Variants in ACSBG2 observed in about 807,000 individuals in gnomAD.
The protein encoded by ACSBG2 is acyl-CoA synthetase bubblegum family member 2, also known as long-chain-fatty-acid--CoA ligase ACSBG2.
Under a neutral mutation model 74.7 loss-of-function variants are expected in ACSBG2, and 62 were observed. The observed-to-expected ratio is 0.83, with a 90% confidence interval of 0.68 to 1.03. The LOEUF (loss-of-function observed/expected upper bound fraction) is 1.03. Ranked by LOEUF, ACSBG2 falls within the 50% of genes least tolerant of loss-of-function variation. ACSBG2 has a pLI of 0.00. For missense variants in ACSBG2, 730 were observed against 817.6 expected (o/e 0.89, Z 1.31); for synonymous variants, 309 against 294.1 (o/e 1.05, Z -0.52).
intron 1 of ACSBG2, among the ~76,000 whole-genome samples, chr19:6,136,194 C>CCAT (rs760651860): frequency 2.8e-4 from 42 of 151,628 alleles, no homozygotes; most frequent in Non-Finnish European, 5.1e-4. Context: ...CAGGTTCACA[C>CCAT]CATTCTCCTG....
intron 7 of ACSBG2, among the ~76,000 whole-genome samples, chr19:6,167,971 A>T (rs1402396148): frequency 4.8e-5 from 1 of 21,016 alleles, no homozygotes; most frequent in African/African-American, 2.0e-4. Flanking sequence ...CCCAACTCCC[A>T]CCCTCACCCC....
intron 5 of ACSBG2, among the ~76,000 whole-genome samples, chr19:6,159,779 G>A (rs1003834394): frequency 2.6e-5 from 4 of 152,186 alleles, no homozygotes. Flanking sequence ...CCGCTGATCT[G>A]GGCCTCACCA....
intron 10 of ACSBG2, among the ~76,000 whole-genome samples, chr19:6,184,872 A>AAAAAC: frequency 8.6e-6 from 1 of 116,918 alleles, no homozygotes. Context: ...AAAAAAAAAA[A>AAAAAC]CGAAAAACAG....
chr19:6,158,808 G>A (rs1046188418), intron 5 of ACSBG2, among the ~76,000 whole-genome samples: 2 of 152,042 alleles, frequency 1.3e-5, no homozygotes, highest in African/African-American at 4.8e-5. Context: ...TGAAATCCTA[G>A]CTAGACTCAG....
chr19:6,153,106 G>A (rs1301806938), intron 4 of ACSBG2, among the ~76,000 whole-genome samples: 7 of 152,058 alleles, frequency 4.6e-5, no homozygotes, highest in Admixed American at 3.3e-4. Context: ...TCAGCCAGGC[G>A]TGGTGGCAGG....
Position 6,154,428 on chromosome 19 carries a change from GAGAGAAA to G in ACSBG2, c.387-2001_387-1995del, listed in dbSNP as rs1291296539. On this transcript the variant is annotated intron_variant, in intron 4 of 14. Transcript: ENST00000588485. ...AGAGAGAGAGAGAGAGAGAGAGAGA[GAGAGAAA>G]ATTATTATTATATATATAAAATATA... 1.0e-3 allele frequency among the ~76,000 whole-genome samples: 92 copies of G among 90,570 alleles called. 1 individual carries two copies. The highest frequency in any genetic ancestry group is 4.5e-3 in the Admixed American group (31 of 6,836). The allele number at this position is 90,570 out of a possible 152,430, so 59.4% of individuals were successfully genotyped here. A position where few individuals can be genotyped will look rare whatever the true frequency, so the allele number is the denominator to read the frequency against.
rs1326724413 is a variant in ACSBG2 at position 6,180,332 on chromosome 19, G to C, written c.907-2419G>C. Reference sequence around the variant, plus strand: ...AAGCAGGCTAAATCTTAGGGCCTTTGCACGTGCTTCTAGAAGGTTCTTTCT... The same window carrying C: ...AAGCAGGCTAAATCTTAGGGCCTTTCCACGTGCTTCTAGAAGGTTCTTTCT... On this transcript the variant is annotated intron_variant, in intron 8 of 14. Coordinates refer to ENST00000588485, the MANE Select transcript of ACSBG2 (RefSeq NM_030924.5). The surrounding 1 kb of genome is among the most constrained non-coding windows in gnomAD (Gnocchi z 4.3). Among the ~76,000 whole-genome samples, 1 of 152,138 alleles carries C rather than the reference G, an allele frequency of 6.6e-6. No individual in the cohort carries two copies. The highest frequency in any genetic ancestry group is 1.5e-5 in the Non-Finnish European group (1 of 68,022).
intron 10 of ACSBG2, among the ~76,000 whole-genome samples, chr19:6,184,628 AAGAC>A (rs1467504151): frequency 5.3e-5 from 8 of 151,458 alleles, no homozygotes; most frequent in African/African-American, 1.9e-4. Context: ...AAAAAAAAAA[AAGAC>A]AAAGAACCCA....
At chr19:6,168,964 A>T (rs1420273708) in intron 7 of ACSBG2, among the ~76,000 whole-genome samples, 1 of 152,060 alleles carries the variant, frequency 6.6e-6, no homozygotes, top group Non-Finnish European at 1.5e-5. Context: ...TTTTTAGAAG[A>T]GGTGGGGCTT....
chr19:6,141,397 C>T (rs2088825832), intron 1 of ACSBG2, 116 bp from the exon 2 acceptor site: 2 of 639,392 alleles, frequency 3.1e-6, no homozygotes, highest in Non-Finnish European at 2.8e-6. Flanking sequence ...CCAGGACAGG[C>T]ATGACCAATG....
At chr19:6,170,194 T>C (rs2089926807) in intron 7 of ACSBG2, among the ~76,000 whole-genome samples, 1 of 152,172 alleles carries the variant, frequency 6.6e-6, no homozygotes, top group African/African-American at 2.4e-5. Flanking sequence ...ACTTTTCCCC[T>C]TCAGTATGAT....
intron 5 of ACSBG2, 142 bp from the exon 6 acceptor site, chr19:6,161,073 C>G: frequency 3.6e-6 from 2 of 559,880 alleles, no homozygotes; most frequent in East Asian, 6.6e-5. Context: ...GCACTCCAGC[C>G]TGGGCGACAG....
chr19:6,153,291 T>A (rs1037851080), intron 4 of ACSBG2, among the ~76,000 whole-genome samples: 1 of 152,054 alleles, frequency 6.6e-6, no homozygotes, highest in Non-Finnish European at 1.5e-5. Context: ...CAACCATTAA[T>A]ATACCAATTA....
At chr19:6,158,656 C>T (rs1431335114) in intron 5 of ACSBG2, among the ~76,000 whole-genome samples, 1 of 152,104 alleles carries the variant, frequency 6.6e-6, no homozygotes, top group Non-Finnish European at 1.5e-5. Context: ...TTTCATGACT[C>T]TGAGTCACTC....
At chr19:6,173,937 A>AT (rs56905660) in intron 7 of ACSBG2, among the ~76,000 whole-genome samples, 9,665 of 130,960 alleles carry the variant, frequency 0.074, 507 homozygotes, top group Admixed American at 0.13. Flanking sequence ...CTCTTGAACT[A>AT]TTTTTTTTTT....
chr19:6,147,709 C>T (rs1362981472), intron 3 of ACSBG2, 34 bp downstream of exon 3: 2 of 1,586,646 alleles, frequency 1.3e-6, no homozygotes, highest in Non-Finnish European at 1.7e-6. Context: ...CTTTGTTCAA[C>T]CATTCATTCT....
intron 2 of ACSBG2, among the ~76,000 whole-genome samples, chr19:6,144,245 GCCTCGGCCTC>G (rs1245959512): frequency 6.6e-6 from 1 of 152,184 alleles, no homozygotes; most frequent in African/African-American, 2.4e-5. Context: ...TGATCCACCT[GCCTCGGCCTC>G]CCAAAGTGCT....
chr19:6,189,375 C>G (rs2090495440), intron 13 of ACSBG2, among the ~76,000 whole-genome samples: 1 of 152,194 alleles, frequency 6.6e-6, no homozygotes, highest in African/African-American at 2.4e-5. Context: ...CTGGATTCTA[C>G]TAATGTACTT....
chr19:6,137,626 TTATTTATG>T (rs1294040392), intron 1 of ACSBG2, among the ~76,000 whole-genome samples: 5 of 152,106 alleles, frequency 3.3e-5, no homozygotes, highest in Admixed American at 6.6e-5. Context: ...TTTTATTTAT[TTATTTATG>T]TATTTATGTA....
Sources: allele counts gnomAD v4.1 joint callset (sites outside exome capture counted in the v4.1 genomes callset), GRCh38; gene constraint gnomAD v4.1.1; non-coding constraint Gnocchi (gnomAD v3.1); transcripts MANE v1.5; gene names NCBI Gene and HGNC (gene_info 2026-07-23, HGNC 2026-07-21).